Variants in CFAP20DC observed in about 807,000 individuals in gnomAD.
CFAP20DC encodes CFAP20 domain containing, also known as protein CFAP20DC.
CFAP20DC carries 84 observed loss-of-function variants against 101.7 expected under a neutral mutation model. The observed-to-expected ratio is 0.83, with a 90% CI of 0.69 to 0.99. CFAP20DC has a LOEUF of 0.99. Among genes scored for constraint, CFAP20DC ranks in the 50% least tolerant of loss-of-function variants. CFAP20DC has a pLI of 0.00. For synonymous variants in CFAP20DC, 359 were observed against 351.2 expected, an observed-to-expected ratio of 1.02 and a Z score of -0.25; for missense variants, 1,007 against 970.3, an observed-to-expected ratio of 1.04 and a Z score of -0.50.
At chr3:58,807,057 G>A (rs1019325331) in intron 14 of CFAP20DC, among the ~76,000 whole-genome samples, 2 of 152,150 alleles carry the variant, frequency 1.3e-5, no homozygotes, top group African/African-American at 2.4e-5. Flanking sequence ...GGTAAACAAA[G>A]CAGCCAGGAA....
rs1244677912 is a variant in CFAP20DC, at chr3:58,882,214, T to G, written c.715+2331A>C. ...GCATTGAGAGCCCTTTTATGGAAAT[T>G]GCAAAATATATATTAATATCCTCTT... On this transcript the variant is annotated intron_variant, in intron 7 of 16. Transcript: ENST00000482387. This position sits in a 1 kb window ranked among gnomAD's most constrained non-coding sequence, Gnocchi z 4.2. Among the ~76,000 whole-genome samples the G allele has an allele frequency of 3.9e-5, 6 of 152,158 alleles. No individual in the cohort carries two copies. Among genetic ancestry groups the G allele is most frequent in the African/African-American group, 1.4e-4 (6 of 41,458 alleles).
At chr3:59,043,356 TAAG>T (rs1186671584) in intron 3 of CFAP20DC, among the ~76,000 whole-genome samples, 1 of 151,712 alleles carries the variant, frequency 6.6e-6, no homozygotes, top group East Asian at 1.9e-4. Flanking sequence ...GAGGAAAATA[TAAG>T]AAGGAGGTGT....
At chr3:59,025,740 C>T (rs569016480) in intron 4 of CFAP20DC, among the ~76,000 whole-genome samples, 3 of 152,122 alleles carry the variant, frequency 2.0e-5, no homozygotes, top group African/African-American at 7.2e-5. Context: ...ATTGATATGG[C>T]AATCATTTAA....
chr3:58,816,777 T>C (rs1400672692), intron 14 of CFAP20DC, among the ~76,000 whole-genome samples: 2 of 152,096 alleles, frequency 1.3e-5, no homozygotes, highest in Non-Finnish European at 2.9e-5. Context: ...TCGAACTGGG[T>C]GGAGCCCACC....
intron 6 of CFAP20DC, among the ~76,000 whole-genome samples, chr3:58,910,376 G>A (rs1222237838): frequency 1.3e-5 from 2 of 152,006 alleles, no homozygotes; most frequent in African/African-American, 4.8e-5. Flanking sequence ...TTGATAGATT[G>A]GATGCATATA....
chr3:58,889,517 G>A (rs895886273), intron 6 of CFAP20DC, among the ~76,000 whole-genome samples: 1 of 150,578 alleles, frequency 6.6e-6, no homozygotes, highest in South Asian at 2.1e-4. Context: ...ATGCTCATTC[G>A]CCAATCTTTT....
At chr3:58,848,137 T>C (rs2077880677) in intron 13 of CFAP20DC, among the ~76,000 whole-genome samples, 2 of 125,890 alleles carry the variant, frequency 1.6e-5, no homozygotes, top group Admixed American at 1.7e-4. Flanking sequence ...CTGCACAATG[T>C]GCACATGTAC....
At chr3:58,865,528 T>G (rs1576014397) in intron 11 of CFAP20DC, among the ~76,000 whole-genome samples, 1 of 152,106 alleles carries the variant, frequency 6.6e-6, no homozygotes, top group South Asian at 2.1e-4. Flanking sequence ...CACAGAGGGG[T>G]GCAGGGGCAT....
At chr3:58,832,907 C>T (rs754966150) in intron 13 of CFAP20DC, among the ~76,000 whole-genome samples, 9 of 152,092 alleles carry the variant, frequency 5.9e-5, no homozygotes, top group Non-Finnish European at 7.4e-5. Context: ...ACACGCAGAA[C>T]TGCCATATAA....
At chr3:58,734,135 T>C (rs1043738083) in intron 3 of CFAP20DC, among the ~76,000 whole-genome samples, 20 of 152,208 alleles carry the variant, frequency 1.3e-4, no homozygotes, top group Admixed American at 1.3e-4. Flanking sequence ...ATTCACTCTC[T>C]CTCTCTCTCC....
intron 14 of CFAP20DC, 128 bp from the exon 15 acceptor site, chr3:58,806,584 G>A: frequency 1.4e-6 from 1 of 710,496 alleles, no homozygotes; most frequent in Non-Finnish European, 2.6e-6. Context: ...GGGTGGGAGG[G>A]CAGCCAAGAC....
At chr3:58,784,770 T>C (rs2072168140) in intron 15 of CFAP20DC, among the ~76,000 whole-genome samples, 1 of 152,128 alleles carries the variant, frequency 6.6e-6, no homozygotes, top group African/African-American at 2.4e-5. Flanking sequence ...TGAACTAACT[T>C]ATATTCCCAC....
rs2073143710 is a variant in CFAP20DC, at chr3:58,795,123, T to C, written c.2237+11272A>G. Reference sequence around the variant, plus strand: ...GATTGTTATAAACTAGAATTAGTACTTCTATTTTTTTAAAGGTTCTCATTA... The same window carrying C: ...GATTGTTATAAACTAGAATTAGTACCTCTATTTTTTTAAAGGTTCTCATTA... On this transcript the variant is annotated intron_variant, in intron 15 of 16. Coordinates refer to ENST00000482387, the MANE Select transcript of CFAP20DC (RefSeq NM_001394063.1). This position sits in a 1 kb window ranked among gnomAD's most constrained non-coding sequence, Gnocchi z 4.2. Among the ~76,000 whole-genome samples the C allele has an allele frequency of 6.6e-6, 1 of 152,216 alleles. No homozygotes were observed. The highest frequency in any genetic ancestry group is 6.5e-5 in the Admixed American group (1 of 15,286).
In CFAP20DC at chr3:58,824,268, A is replaced by G. The variant is rs2075886418; in HGVS notation, c.2175+7418T>C. 3.9e-5 allele frequency among the ~76,000 whole-genome samples: 6 copies of G among 152,312 alleles called. No homozygotes were observed. The South Asian group carries it at 1.2e-3, about 32-fold the overall frequency. On this transcript the variant is annotated intron_variant, in intron 14 of 16. Coordinates refer to ENST00000482387, the MANE Select transcript of CFAP20DC (RefSeq NM_001394063.1). The stretch of plus-strand genomic sequence containing the variant: ...CAGAACAAATTAAAACCTATTAATT[A>G]TAAGGAGTCTGAAATGCCAATATAT...
At chr3:58,830,646 T>A (rs931028395) in intron 14 of CFAP20DC, among the ~76,000 whole-genome samples, 1 of 152,222 alleles carries the variant, frequency 6.6e-6, no homozygotes, top group Non-Finnish European at 1.5e-5. Context: ...TTCAACTCAA[T>A]CTTTATATAG....
chr3:58,845,124 C>T (rs2077504900), intron 13 of CFAP20DC, among the ~76,000 whole-genome samples: 1 of 149,956 alleles, frequency 6.7e-6, no homozygotes, highest in East Asian at 2.0e-4. Context: ...AGAGCAAACA[C>T]ATTCAAAAGC....
intron 13 of CFAP20DC, among the ~76,000 whole-genome samples, chr3:58,841,141 C>T (rs757265523): frequency 2.0e-5 from 3 of 152,220 alleles, no homozygotes; most frequent in Non-Finnish European, 2.9e-5. Context: ...TGAACCTGCA[C>T]AGTTAGCCAG....
At chr3:58,735,606 T>G (rs544062927) in intron 3 of CFAP20DC, among the ~76,000 whole-genome samples, 1 of 152,186 alleles carries the variant, frequency 6.6e-6, no homozygotes, top group African/African-American at 2.4e-5. Flanking sequence ...TTAGGATCAC[T>G]TGGGGGAGCT....
chr3:58,980,003 A>G (rs2092456582), intron 4 of CFAP20DC, among the ~76,000 whole-genome samples: 1 of 152,114 alleles, frequency 6.6e-6, no homozygotes. Context: ...ATCGATTAGC[A>G]CTGTTTGCCT....
Sources: gnomAD v4.1 joint callset for allele counts (sites outside exome capture counted in the v4.1 genomes callset) on GRCh38, gnomAD v4.1.1 for gene constraint, Gnocchi (gnomAD v3.1) non-coding constraint, MANE v1.5 for transcripts, NCBI Gene and HGNC (gene_info 2026-07-23, HGNC 2026-07-21) for gene names.